Variants in SDK1 observed in about 807,000 individuals in gnomAD.
The protein encoded by SDK1 is protein sidekick-1.
SDK1 carries 157 observed loss-of-function variants against 245.5 expected under a neutral mutation model. The observed-to-expected ratio is 0.64, with a 90% confidence interval of 0.56 to 0.73. The LOEUF (loss-of-function observed/expected upper bound fraction) is 0.73, where lower values mean the gene tolerates loss of function less well. Ranked by LOEUF, SDK1 falls within the 30% of genes least tolerant of loss-of-function variation. The pLI, the probability that SDK1 is intolerant of heterozygous loss-of-function variation, is 0.00. For missense variants in SDK1, 3,583 were observed against 3,002.3 expected, an observed-to-expected ratio of 1.19 and a Z score of -4.52; for synonymous variants, 1,647 against 1,278.5, an observed-to-expected ratio of 1.29 and a Z score of -6.15.
chr7:3,988,132 GTTTTTTTTTTT>G (rs71032919), intron 14 of SDK1, among the ~76,000 whole-genome samples: 9 of 85,416 alleles, frequency 1.1e-4, no homozygotes, highest in Non-Finnish European at 1.8e-4. Flanking sequence ...TCTTTTTAAT[GTTTTTTTTTTT>G]TTTTTTTTTT....
At chr7:4,235,103 A>C (rs1025851205) in intron 41 of SDK1, among the ~76,000 whole-genome samples, 1 of 152,180 alleles carries the variant, frequency 6.6e-6, no homozygotes, top group Non-Finnish European at 1.5e-5. Flanking sequence ...TGGCCTGGGA[A>C]CATCCTTGAA....
intron 1 of SDK1, among the ~76,000 whole-genome samples, chr7:3,561,635 C>T (rs966114364): frequency 9.2e-5 from 14 of 152,106 alleles, no homozygotes; most frequent in African/African-American, 3.4e-4. Context: ...AAGACTGGTT[C>T]CCTCAATTTT....
At chr7:4,066,456 G>C (rs760065658) in intron 19 of SDK1, among the ~76,000 whole-genome samples, 8 of 152,186 alleles carry the variant, frequency 5.3e-5, no homozygotes, top group Non-Finnish European at 1.0e-4. Context: ...TTGCTCGTAA[G>C]ACGCCAGCCT....
intron 41 of SDK1, among the ~76,000 whole-genome samples, chr7:4,235,766 G>A (rs1201923262): frequency 6.6e-6 from 1 of 152,214 alleles, no homozygotes; most frequent in African/African-American, 2.4e-5. Flanking sequence ...AGCTGGCCTT[G>A]CCATGAGCTG....
At chr7:4,129,850 C>T (rs1021845847) in intron 26 of SDK1, 58 bp from the exon 27 acceptor site, 10 of 1,602,500 alleles carry the variant, frequency 6.2e-6, no homozygotes, top group African/African-American at 2.7e-5. Flanking sequence ...CCCCATGCCA[C>T]GGCGGTCCCT....
At chr7:3,696,935 C>T (rs771385533) in intron 4 of SDK1, among the ~76,000 whole-genome samples, 3 of 151,074 alleles carry the variant, frequency 2.0e-5, no homozygotes, top group Non-Finnish European at 2.9e-5. Flanking sequence ...ATAAGTAATA[C>T]GGTTTATGGA....
chr7:3,537,354 T>C, intron 1 of SDK1, among the ~76,000 whole-genome samples: 1 of 152,340 alleles, frequency 6.6e-6, no homozygotes. Flanking sequence ...AGCTGGGAAG[T>C]GCTAGAGCCA....
intron 13 of SDK1, among the ~76,000 whole-genome samples, chr7:3,984,825 T>A (rs1340010016): frequency 6.6e-6 from 1 of 152,102 alleles, no homozygotes; most frequent in Non-Finnish European, 1.5e-5. Flanking sequence ...GCCCTTGGGG[T>A]CCCAGAACCA....
intron 1 of SDK1, among the ~76,000 whole-genome samples, chr7:3,477,189 CTTTTTTTTTTTTTTT>C (rs35328849): frequency 2.5e-5 from 2 of 78,626 alleles, no homozygotes; most frequent in Non-Finnish European, 4.6e-5. Flanking sequence ...TGGTTTTCTC[CTTTTTTTTTTTTTTT>C]TTTTTTTTTG....
At chr7:4,237,193 T>TG (rs1786222071) in intron 41 of SDK1, among the ~76,000 whole-genome samples, 1 of 152,038 alleles carries the variant, frequency 6.6e-6, no homozygotes, top group Non-Finnish European at 1.5e-5. Flanking sequence ...TGCCTGGCTG[T>TG]TTTTTTGTTT....
intron 1 of SDK1, among the ~76,000 whole-genome samples, chr7:3,618,744 A>G (rs73298217): frequency 0.011 from 1,605 of 152,328 alleles, 31 homozygotes; most frequent in African/African-American, 0.032. Context: ...TTTCTCGCAA[A>G]TAGATTGCCT....
intron 4 of SDK1, among the ~76,000 whole-genome samples, chr7:3,698,160 A>G (rs532501165): frequency 6.6e-6 from 1 of 152,226 alleles, no homozygotes; most frequent in South Asian, 2.1e-4. Flanking sequence ...ATGACAGAAA[A>G]CTTTTGGACA....
chr7:3,889,600 C>T (rs890172452), intron 5 of SDK1, among the ~76,000 whole-genome samples: 7 of 152,112 alleles, frequency 4.6e-5, no homozygotes, highest in Non-Finnish European at 7.4e-5. Flanking sequence ...CTCTGCCTCC[C>T]GGCTTCATGC....
chr7:3,647,957 T>A (rs1379954817), intron 4 of SDK1, among the ~76,000 whole-genome samples: 1 of 152,184 alleles, frequency 6.6e-6, no homozygotes, highest in Non-Finnish European at 1.5e-5. Context: ...GAACAGTATA[T>A]TGAGAGAATT....
chr7:4,071,054 GTCTC>G, intron 20 of SDK1, among the ~76,000 whole-genome samples: 1 of 151,864 alleles, frequency 6.6e-6, no homozygotes, highest in East Asian at 1.9e-4. Flanking sequence ...GAAATGGAGT[GTCTC>G]TCTGTCACCC....
At chr7:4,051,262 A>G (rs1416751773) in intron 18 of SDK1, among the ~76,000 whole-genome samples, 1 of 144,536 alleles carries the variant, frequency 6.9e-6, no homozygotes, top group Non-Finnish European at 1.5e-5. Flanking sequence ...TATATAATAT[A>G]TATATAATAT....
At chr7:4,074,894 A>T (rs868592990) in intron 20 of SDK1, among the ~76,000 whole-genome samples, 1 of 68,044 alleles carries the variant, frequency 1.5e-5, no homozygotes, top group African/African-American at 1.2e-4. Context: ...CTGTATATAT[A>T]TATATATATA....
intron 22 of SDK1, among the ~76,000 whole-genome samples, chr7:4,086,054 C>G (rs574962499): frequency 1.3e-5 from 2 of 151,958 alleles, no homozygotes; most frequent in African/African-American, 4.8e-5. Flanking sequence ...TTTTCTTTTT[C>G]TTTCTGGCAA....
chr7:3,612,770 CT>C (rs1781638105), intron 1 of SDK1, among the ~76,000 whole-genome samples: 1 of 152,156 alleles, frequency 6.6e-6, no homozygotes, highest in Non-Finnish European at 1.5e-5. Flanking sequence ...CCTGCCCTGG[CT>C]GATTACTCCA....
Sources: gnomAD v4.1 joint callset for allele counts (sites outside exome capture counted in the v4.1 genomes callset) on GRCh38, gnomAD v4.1.1 for gene constraint, MANE v1.5 for transcripts, NCBI Gene and HGNC (gene_info 2026-07-23, HGNC 2026-07-21) for gene names.